Variants in LUC7L observed in about 807,000 individuals in gnomAD.
LUC7L encodes putative RNA-binding protein Luc7-like 1.
In LUC7L, 29 loss-of-function variants were observed where a neutral mutation model predicts 51.1. That is an observed-to-expected ratio of 0.57 (90% CI 0.42 to 0.77). LUC7L has a LOEUF of 0.77. LUC7L is among the 30% of genes least tolerant of loss of function. LUC7L has a pLI of 0.00. For synonymous variants in LUC7L, 181 were observed against 180.7 expected (o/e 1.00, Z -0.01); for missense variants, 403 against 511.9 (o/e 0.79, Z 2.05).
chr16:225,774 C>T (rs533662644), intron 2 of LUC7L, among the ~76,000 whole-genome samples: 31 of 151,060 alleles, frequency 2.1e-4, no homozygotes, highest in African/African-American at 6.3e-4. Context: ...CGTGAGCCAC[C>T]GCACCCAGCC....
At chr16:224,808 G>A (rs1282822771) in intron 2 of LUC7L, among the ~76,000 whole-genome samples, 2 of 152,060 alleles carry the variant, frequency 1.3e-5, no homozygotes, top group African/African-American at 2.4e-5. Flanking sequence ...CTCCAGCCTA[G>A]GCAACAGAGT....
intron 6 of LUC7L, among the ~76,000 whole-genome samples, chr16:195,118 T>A (rs2049114715): frequency 6.6e-6 from 1 of 152,054 alleles, no homozygotes; most frequent in South Asian, 2.1e-4. Context: ...ATGGACACCT[T>A]TAAGGTGATG....
chr16:224,675 C>T (rs923353541), intron 2 of LUC7L, among the ~76,000 whole-genome samples: 1 of 148,366 alleles, frequency 6.7e-6, no homozygotes, highest in African/African-American at 2.5e-5. Context: ...ACTAAAAATA[C>T]AAAAAAAATT....
chr16:225,858 C>T (rs2050118496), intron 2 of LUC7L, among the ~76,000 whole-genome samples: 1 of 151,972 alleles, frequency 6.6e-6, no homozygotes, highest in African/African-American at 2.4e-5. Flanking sequence ...TTATTTTTCT[C>T]ACCAGTATTC....
chr16:221,095 C>T (rs1277866551), intron 2 of LUC7L, among the ~76,000 whole-genome samples: 1 of 151,526 alleles, frequency 6.6e-6, no homozygotes, highest in Admixed American at 6.6e-5. Flanking sequence ...CCTCAGCTTA[C>T]TGTAACCTCT....
intron 2 of LUC7L, among the ~76,000 whole-genome samples, chr16:222,446 T>G (rs2049999330): frequency 6.6e-6 from 1 of 151,780 alleles, no homozygotes; most frequent in Non-Finnish European, 1.5e-5. Flanking sequence ...GAGACCAGCC[T>G]GGGCAACATA....
At chr16:214,987 T>C (rs1596655960) in intron 3 of LUC7L, among the ~76,000 whole-genome samples, 1 of 152,034 alleles carries the variant, frequency 6.6e-6, no homozygotes, top group Non-Finnish European at 1.5e-5. Context: ...GGAGAATAGC[T>C]TGAGGCCAGG....
intron 5 of LUC7L, among the ~76,000 whole-genome samples, chr16:202,324 C>A (rs543218460): frequency 1.3e-5 from 2 of 152,172 alleles, no homozygotes; most frequent in Admixed American, 1.3e-4. Flanking sequence ...GGGAGGGCAC[C>A]AAGCCATTGA....
chr16:228,977 C>A, intron 1 of LUC7L: 1 of 1,426,718 alleles, frequency 7.0e-7, no homozygotes, highest in Non-Finnish European at 9.3e-7. Flanking sequence ...CCACAGTTCG[C>A]GGAGGGGCAC....
intron 2 of LUC7L, among the ~76,000 whole-genome samples, chr16:222,761 G>A (rs1270400775): frequency 2.0e-4 from 30 of 151,522 alleles, no homozygotes; most frequent in Non-Finnish European, 1.0e-4. Flanking sequence ...CTCCCAAGGA[G>A]CTGGAATTAC....
intron 3 of LUC7L, among the ~76,000 whole-genome samples, chr16:216,799 T>C (rs1381938783): frequency 6.6e-6 from 1 of 152,040 alleles, no homozygotes; most frequent in African/African-American, 2.4e-5. Flanking sequence ...GACAAAAAGG[T>C]CTCTGACCTG....
At position 206,164 on chromosome 16, in the gene LUC7L, T is replaced by C. The variant is rs748942161; in HGVS notation, c.367-17A>G. 4 of 1,610,780 alleles carry C rather than the reference T, an allele frequency of 2.5e-6. No homozygotes were observed. ...TTTTTCTGCCTGTGAGGAGAAAGAA[T>C]GAGGTAAGCAGACATCTGAAAATGA... is the stretch of plus-strand genomic sequence containing the variant. On this transcript the variant is annotated splice_polypyrimidine_tract_variant and intron_variant, in intron 4 of 9. Coordinates refer to ENST00000293872, the MANE Select transcript of LUC7L (RefSeq NM_201412.3).
chr16:216,468 C>T (rs1162133060), intron 3 of LUC7L, among the ~76,000 whole-genome samples: 5 of 146,786 alleles, frequency 3.4e-5, no homozygotes, highest in South Asian at 2.2e-4. Flanking sequence ...TTGAAACCTC[C>T]GCCTCCTGGG....
intron 4 of LUC7L, among the ~76,000 whole-genome samples, chr16:207,843 A>C (rs2049526716): frequency 1.3e-5 from 2 of 152,152 alleles, no homozygotes; most frequent in Non-Finnish European, 2.9e-5. Flanking sequence ...CCCCGTCTCT[A>C]CTAAAAATAC....
At chr16:191,070 CAG>C (rs1031415889) in intron 7 of LUC7L, among the ~76,000 whole-genome samples, 11 of 152,154 alleles carry the variant, frequency 7.2e-5, no homozygotes, top group African/African-American at 2.4e-4. Flanking sequence ...GTGGCACACT[CAG>C]TGTCACCTGA....
At chr16:212,200 G>C (rs2049663495) in intron 3 of LUC7L, among the ~76,000 whole-genome samples, 1 of 152,176 alleles carries the variant, frequency 6.6e-6, no homozygotes, top group South Asian at 2.1e-4. Flanking sequence ...GGCTGAGGCA[G>C]GAGAATCACT....
At chr16:222,355 T>C (rs2142113805) in intron 2 of LUC7L, among the ~76,000 whole-genome samples, 1 of 146,078 alleles carries the variant, frequency 6.8e-6, no homozygotes, top group East Asian at 2.0e-4. Context: ...AAGACGTTAG[T>C]ACCAGTTGCA....
intron 6 of LUC7L, among the ~76,000 whole-genome samples, chr16:193,873 G>A (rs2049080141): frequency 4.2e-5 from 6 of 142,998 alleles, no homozygotes; most frequent in African/African-American, 1.3e-4. Context: ...GCGCAATCTC[G>A]GCTCGCCGCA....
chr16:196,260 G>A (rs984154005), intron 6 of LUC7L, among the ~76,000 whole-genome samples: 5 of 151,858 alleles, frequency 3.3e-5, no homozygotes. Flanking sequence ...ACACAAAAAT[G>A]AGCCAGGCAT....
Sources: gnomAD v4.1 joint callset for allele counts (sites outside exome capture counted in the v4.1 genomes callset) on GRCh38, gnomAD v4.1.1 for gene constraint, MANE v1.5 for transcripts, NCBI Gene and HGNC (gene_info 2026-07-23, HGNC 2026-07-21) for gene names.